SLC24A2: variants seen among roughly 807,000 people sequenced by gnomAD.
The protein encoded by SLC24A2 is sodium/potassium/calcium exchanger 2.
A neutral mutation model predicts 62.0 loss-of-function variants in SLC24A2; 36 were observed. The ratio of observed to expected loss-of-function variants is 0.58; its 90% CI spans 0.44 to 0.77. The LOEUF is 0.77. Among genes scored for constraint, SLC24A2 ranks in the 30% least tolerant of loss-of-function variants. The pLI is 0.00. For missense variants in SLC24A2, 846 were observed against 817.9 expected (o/e 1.03, Z -0.42); for synonymous variants, 358 against 294.0 (o/e 1.22, Z -2.23).
the SLC24A2 span, among the ~76,000 whole-genome samples, chr9:20,072,117 C>T: frequency 6.6e-6 from 1 of 152,010 alleles, no homozygotes; most frequent in Non-Finnish European, 1.5e-5. Context: ...CTTCCCAAAC[C>T]CTGTCCTTTA....
the SLC24A2 span, among the ~76,000 whole-genome samples, chr9:19,884,429 G>A: frequency 2.0e-3 from 297 of 152,180 alleles, 1 homozygote; most frequent in Admixed American, 4.4e-3. Flanking sequence ...GAACACTGTT[G>A]TATAGTTGAA....
chr9:19,934,873 G>C, the SLC24A2 span, among the ~76,000 whole-genome samples: 1 of 152,004 alleles, frequency 6.6e-6, no homozygotes, highest in Admixed American at 6.5e-5. The surrounding 1 kb of genome is among the most constrained non-coding windows in gnomAD (Gnocchi z 4.1). Flanking sequence ...GTGAGTGGTG[G>C]AAGAGAAAGA....
intron 4 of SLC24A2, among the ~76,000 whole-genome samples, chr9:19,615,564 G>A (rs1817745695): frequency 1.3e-5 from 2 of 152,270 alleles, no homozygotes; most frequent in South Asian, 2.1e-4. Context: ...TTTCTTGGCC[G>A]CCTGCTATGG....
chr9:20,019,149 GAA>G, the SLC24A2 span, among the ~76,000 whole-genome samples: 2,406 of 105,112 alleles, frequency 0.023, 132 homozygotes, highest in African/African-American at 0.03. Flanking sequence ...AAGAAAGAAA[GAA>G]AGAAAGAGAG....
the SLC24A2 span, among the ~76,000 whole-genome samples, chr9:19,979,528 C>T: frequency 5.3e-5 from 8 of 152,128 alleles, no homozygotes; most frequent in Non-Finnish European, 8.8e-5. Flanking sequence ...TAGACATACA[C>T]GCTTTTTAGG....
the SLC24A2 span, among the ~76,000 whole-genome samples, chr9:19,856,584 C>G: frequency 6.6e-6 from 1 of 152,148 alleles, no homozygotes; most frequent in African/African-American, 2.4e-5. Flanking sequence ...ACTCCAGACC[C>G]TATTCATCTG....
At chr9:20,020,164 T>G in the SLC24A2 span, among the ~76,000 whole-genome samples, 3 of 152,196 alleles carry the variant, frequency 2.0e-5, no homozygotes, top group African/African-American at 4.8e-5. Flanking sequence ...ACAGTGTGGC[T>G]ATTCCTCAAG....
At chr9:20,259,677 T>A in the SLC24A2 span, among the ~76,000 whole-genome samples, 1 of 152,124 alleles carries the variant, frequency 6.6e-6, no homozygotes, top group Non-Finnish European at 1.5e-5. Context: ...CAAGTCTTAA[T>A]CATCTCAAGC....
chr9:19,526,746 G>A (rs1353466846), intron 9 of SLC24A2, among the ~76,000 whole-genome samples: 7 of 152,112 alleles, frequency 4.6e-5, no homozygotes, highest in African/African-American at 1.7e-4. Context: ...GGATACAAGT[G>A]CTTTATCAGA....
At chr9:19,932,068 T>C in the SLC24A2 span, among the ~76,000 whole-genome samples, 1 of 152,140 alleles carries the variant, frequency 6.6e-6, no homozygotes, top group Admixed American at 6.5e-5. Flanking sequence ...CATACCACAA[T>C]ACGGTCCCAT....
At chr9:20,188,366 CA>C in the SLC24A2 span, among the ~76,000 whole-genome samples, 2 of 152,032 alleles carry the variant, frequency 1.3e-5, no homozygotes, top group South Asian at 2.1e-4. Context: ...TGGGGTGGGT[CA>C]GGGGCACCCA....
At chr9:20,147,028 C>A in the SLC24A2 span, among the ~76,000 whole-genome samples, 1 of 152,026 alleles carries the variant, frequency 6.6e-6, no homozygotes, top group Admixed American at 6.6e-5. Flanking sequence ...AACGTACAAC[C>A]CCCTATGAGC....
chr9:20,255,706 G>A, the SLC24A2 span, among the ~76,000 whole-genome samples: 2 of 152,234 alleles, frequency 1.3e-5, no homozygotes, highest in East Asian at 1.9e-4. Context: ...TTTAGAGTTG[G>A]TCCTAGAAAA....
At chr9:20,090,357 C>T in the SLC24A2 span, among the ~76,000 whole-genome samples, 1 of 152,294 alleles carries the variant, frequency 6.6e-6, no homozygotes, top group African/African-American at 2.4e-5. Context: ...CCTGAGATCA[C>T]CCCAGAGCTG....
the SLC24A2 span, among the ~76,000 whole-genome samples, chr9:20,289,095 C>G: frequency 6.6e-6 from 1 of 152,160 alleles, no homozygotes; most frequent in Non-Finnish European, 1.5e-5. Flanking sequence ...CAACCTGTCC[C>G]TACAGAGCCC....
intron 4 of SLC24A2, among the ~76,000 whole-genome samples, chr9:19,613,367 T>C (rs1370318801): frequency 6.6e-6 from 1 of 152,178 alleles, no homozygotes; most frequent in East Asian, 1.9e-4. Context: ...TGCAGAAGCT[T>C]TAGAAGCAGT....
At chr9:20,259,146 GAA>G in the SLC24A2 span, among the ~76,000 whole-genome samples, 1 of 152,100 alleles carries the variant, frequency 6.6e-6, no homozygotes, top group Admixed American at 6.6e-5. Context: ...CCAAGAATTG[GAA>G]AAGACATGAA....
the SLC24A2 span, among the ~76,000 whole-genome samples, chr9:20,295,894 T>G: frequency 6.6e-6 from 1 of 152,108 alleles, no homozygotes; most frequent in Admixed American, 6.6e-5. Context: ...CCCCAGTAAA[T>G]CCCTTCTTAT....
intron 8 of SLC24A2, among the ~76,000 whole-genome samples, chr9:19,543,634 A>T (rs150481155): frequency 6.6e-6 from 1 of 152,174 alleles, no homozygotes; most frequent in East Asian, 1.9e-4. Context: ...TTGTGTTGTT[A>T]GTTCTCATTG....
Sources: allele counts gnomAD v4.1 joint callset (sites outside exome capture counted in the v4.1 genomes callset), GRCh38; gene constraint gnomAD v4.1.1; non-coding constraint Gnocchi (gnomAD v3.1); transcripts MANE v1.5; gene names NCBI Gene and HGNC (gene_info 2026-07-23, HGNC 2026-07-21).